Variants in WDFY1 observed in about 807,000 individuals in gnomAD.
WDFY1 encodes the protein WD repeat and FYVE domain-containing protein 1.
WDFY1 carries 32 observed loss-of-function variants against 56.4 expected under a neutral mutation model. The observed-to-expected ratio is 0.57, with a 90% CI of 0.43 to 0.76. WDFY1 has a LOEUF of 0.76. WDFY1 is among the 30% of genes least tolerant of loss of function. WDFY1 has a pLI of 0.00. For synonymous variants in WDFY1, 192 were observed against 197.3 expected (o/e 0.97, Z 0.23); for missense variants, 480 against 545.7 (o/e 0.88, Z 1.20).
chr2:223,920,033 C>T (rs1298442673), intron 1 of WDFY1, among the ~76,000 whole-genome samples: 1 of 152,210 alleles, frequency 6.6e-6, no homozygotes, highest in Non-Finnish European at 1.5e-5. Flanking sequence ...ATAAGACCTT[C>T]GTCAGGGACT....
At chr2:223,925,824 T>C (rs544081572) in intron 1 of WDFY1, among the ~76,000 whole-genome samples, 2 of 152,350 alleles carry the variant, frequency 1.3e-5, no homozygotes, top group African/African-American at 4.8e-5. Flanking sequence ...CCACTTTCTT[T>C]GCTCATCCAT....
Position 223,915,512 on chromosome 2 carries a change from C to A in WDFY1, c.205+2431G>T, listed in dbSNP as rs57890107. Among the ~76,000 whole-genome samples the A allele has an allele frequency of 7.7e-3, 1,168 of 152,298 alleles. 13 individuals carry two copies. The highest frequency in any genetic ancestry group is 0.026 in the African/African-American group (1,101 of 41,570). On this transcript the variant is annotated intron_variant, in intron 2 of 11. Coordinates refer to ENST00000233055, the MANE Select transcript of WDFY1 (RefSeq NM_020830.5). ...AGGAGTAACTGAACCAAATATGGGACAAAATCCCTCTAGTCTCTGTCTCTA... is the reference window on the plus strand; with the variant it reads ...AGGAGTAACTGAACCAAATATGGGAAAAAATCCCTCTAGTCTCTGTCTCTA...
At chr2:223,933,934 C>T (rs1484767066) in intron 1 of WDFY1, among the ~76,000 whole-genome samples, 2 of 112,748 alleles carry the variant, frequency 1.8e-5, no homozygotes, top group East Asian at 2.6e-4. Flanking sequence ...TGCACACCAG[C>T]CTGGGAGACA....
At chr2:223,934,194 T>C (rs975602744) in intron 1 of WDFY1, among the ~76,000 whole-genome samples, 3 of 150,236 alleles carry the variant, frequency 2.0e-5, no homozygotes, top group African/African-American at 7.4e-5. Flanking sequence ...GTTCAAGCAA[T>C]TCTCCTGCCT....
In WDFY1 at chr2:223,945,191, G is replaced by C. The variant is rs373916163; in HGVS notation, c.94C>G (p.Leu32Val). Residue 32 changes from leucine to valine, a missense_variant, in exon 1 of 12, where the codon CTC becomes GTC. By Grantham distance (32) the Leu-to-Val change is conservative. Coordinates refer to ENST00000233055, the MANE Select transcript of WDFY1 (RefSeq NM_020830.5). ...GHQDAVTAAL[L>V]IPKEDGVITA... ...ATCACGCCGTCCTCCTTGGGGATGA[G>C]CAGCGCGGCCGTGACGGCGTCCTGG... is the stretch of plus-strand genomic sequence containing the variant. 86 of 1,599,008 alleles carry C rather than the reference G, an allele frequency of 5.4e-5. No homozygotes were observed. In the African/African-American group the frequency reaches 1.1e-3, roughly 20 times the overall value.
chr2:223,942,567 C>T lies in WDFY1; in HGVS notation c.137+2581G>A, dbSNP rs1232792482. Among the ~76,000 whole-genome samples, 18 of 76,350 alleles carry T rather than the reference C, an allele frequency of 2.4e-4. 1 individual carries two copies. In the South Asian group the frequency reaches 8.9e-3, roughly 38 times the overall value. The allele number at this position is 76,350 out of a possible 152,430, so 50.1% of individuals were successfully genotyped here. On this transcript the variant is annotated intron_variant, in intron 1 of 11. Transcript: ENST00000233055. ...TTTTTGAGACGGAGTCTCGCTCTGT[C>T]GCCCAGGCCGGACTGCGGACTGCAG...
intron 1 of WDFY1, among the ~76,000 whole-genome samples, chr2:223,921,750 CT>C (rs1387079225): frequency 6.6e-6 from 1 of 152,192 alleles, no homozygotes; most frequent in African/African-American, 2.4e-5. Context: ...ACCACCACAC[CT>C]GGCTGTTGCT....
At chr2:223,944,632 G>A (rs1346652498) in intron 1 of WDFY1, among the ~76,000 whole-genome samples, 1 of 151,138 alleles carries the variant, frequency 6.6e-6, no homozygotes, top group Non-Finnish European at 1.5e-5. Flanking sequence ...CTGGAGGGGC[G>A]CAGTGGGACA....
intron 3 of WDFY1, among the ~76,000 whole-genome samples, chr2:223,909,978 A>G (rs908023193): frequency 6.6e-6 from 1 of 152,204 alleles, no homozygotes; most frequent in African/African-American, 2.4e-5. Context: ...AGCTTTACCC[A>G]GACCTACAAG....
intron 1 of WDFY1, among the ~76,000 whole-genome samples, chr2:223,928,539 C>T (rs945399349): frequency 3.9e-5 from 6 of 152,226 alleles, no homozygotes; most frequent in Admixed American, 1.3e-4. Context: ...AAACATTTTG[C>T]GCAATGAGCC....
Position 223,878,442 on chromosome 2 carries a change from T to C in WDFY1, c.*229A>G. The C allele has an allele frequency of 9.3e-6, 4 of 429,510 alleles. No individual in the cohort carries two copies. Among genetic ancestry groups the C allele is most frequent in the Non-Finnish European group, 1.7e-5 (4 of 238,330 alleles). 26.6% of individuals were successfully genotyped at this position (429,510 alleles called of 1,614,324 possible). The stretch of plus-strand genomic sequence containing the variant: ...TGTTCATGGGGAAGTTTTGCTGAAG[T>C]AATTCCAGTCTTCAGGGAACCACTA... On this transcript the variant is annotated 3_prime_UTR_variant, in exon 12 of 12. Transcript: ENST00000233055.
At chr2:223,912,104 T>C (rs544319) in intron 3 of WDFY1, 149 bp downstream of exon 3, 702,681 of 788,620 alleles carry the variant, frequency 0.89, 316,376 homozygotes, top group Non-Finnish European at 0.93. Context: ...TGTGAGCCAC[T>C]GTGCTTGGCC....
At chr2:223,931,549 T>C (rs1282367893) in intron 1 of WDFY1, among the ~76,000 whole-genome samples, 9 of 152,184 alleles carry the variant, frequency 5.9e-5, no homozygotes, top group Non-Finnish European at 1.3e-4. Context: ...AGGGAATCAC[T>C]AAGTCTTGAA....
At chr2:223,885,833 C>T (rs1302274039) in intron 8 of WDFY1, among the ~76,000 whole-genome samples, 1 of 152,102 alleles carries the variant, frequency 6.6e-6, no homozygotes, top group East Asian at 1.9e-4. Context: ...CACAGCAGCA[C>T]GTCCCTCCCT....
intron 2 of WDFY1, 34 bp downstream of exon 2, chr2:223,917,909 C>T: frequency 6.2e-7 from 1 of 1,607,008 alleles, no homozygotes; most frequent in Non-Finnish European, 8.5e-7. Flanking sequence ...ACATTAGAGA[C>T]ATTTCTCTCA....
intron 2 of WDFY1, among the ~76,000 whole-genome samples, chr2:223,916,421 A>G (rs1419654353): frequency 1.3e-5 from 2 of 152,218 alleles, no homozygotes; most frequent in African/African-American, 2.4e-5. Context: ...AGCAGTGGAC[A>G]GCATCAGCAG....
chr2:223,881,859 C>A (rs1693079029), intron 10 of WDFY1, 83 bp downstream of exon 10: 6 of 1,526,812 alleles, frequency 3.9e-6, no homozygotes, highest in Non-Finnish European at 5.3e-6. Flanking sequence ...CATATCCTAT[C>A]ACTTCTGAAG....
chr2:223,897,327 G>C (rs1353152795), intron 6 of WDFY1, among the ~76,000 whole-genome samples: 2 of 140,978 alleles, frequency 1.4e-5, no homozygotes, highest in African/African-American at 2.7e-5. Context: ...ACATAGTTTA[G>C]ACATGTGTCC....
chr2:223,918,533 A>C (rs1693832609), intron 1 of WDFY1, among the ~76,000 whole-genome samples: 1 of 151,996 alleles, frequency 6.6e-6, no homozygotes, highest in African/African-American at 2.4e-5. Flanking sequence ...CAGGAGCCTG[A>C]GGCAGAAGAA....
Sources: allele counts gnomAD v4.1 joint callset (sites outside exome capture counted in the v4.1 genomes callset), GRCh38; gene constraint gnomAD v4.1.1; transcripts MANE v1.5; gene names NCBI Gene and HGNC (gene_info 2026-07-23, HGNC 2026-07-21).